Variants in FRY observed in about 807,000 individuals in gnomAD.
FRY encodes the protein protein furry homolog.
Under a neutral mutation model 348.4 loss-of-function variants are expected in FRY, and 128 were observed. That is an observed-to-expected ratio of 0.37 (90% confidence interval 0.32 to 0.43). FRY has a LOEUF of 0.43. Ranked by LOEUF, FRY falls within the 20% of genes least tolerant of loss-of-function variation. FRY has a pLI of 1.00. For missense variants in FRY, 2,736 were observed against 3,695.2 expected (o/e 0.74, Z 6.73); for synonymous variants, 1,370 against 1,374.7 (o/e 1.00, Z 0.08).
chr13:32,192,679 C>T (rs1161101403), intron 28 of FRY, among the ~76,000 whole-genome samples: 6 of 151,540 alleles, frequency 4.0e-5, no homozygotes, highest in Non-Finnish European at 7.4e-5. Flanking sequence ...CTTGCCTTTT[C>T]CACCTGGTTT....
intron 28 of FRY, among the ~76,000 whole-genome samples, chr13:32,192,566 G>C (rs1319620573): frequency 6.6e-6 from 1 of 152,024 alleles, no homozygotes; most frequent in Admixed American, 6.6e-5. Flanking sequence ...TACTTAAAGC[G>C]AGTTGGGGGA....
rs902061213 is a variant in FRY, at chr13:32,193,761, A to G, written c.3592-382A>G. ...CCACCACGCCCAGCTAATTTTTTCT[A>G]TTTTTTAGTAGAGACAGGGTTTCAC... On this transcript the variant is annotated intron_variant, in intron 28 of 60. Transcript: ENST00000542859. Among the ~76,000 whole-genome samples, 9 of 151,542 alleles carry G rather than the reference A, an allele frequency of 5.9e-5. No homozygotes were observed. The East Asian group carries it at 1.4e-3, about 23-fold the overall frequency.
intron 1 of FRY, among the ~76,000 whole-genome samples, chr13:32,051,439 A>G (rs1593561269): frequency 6.6e-6 from 1 of 152,136 alleles, no homozygotes; most frequent in African/African-American, 2.4e-5. Flanking sequence ...CCCTACAGAC[A>G]TTTGCCAGTT....
At chr13:32,246,889 G>T (rs1214775573) in intron 47 of FRY, among the ~76,000 whole-genome samples, 4 of 152,198 alleles carry the variant, frequency 2.6e-5, no homozygotes, top group African/African-American at 9.7e-5. Flanking sequence ...AGAGATCAAG[G>T]TACCCAGGAA....
intron 43 of FRY, among the ~76,000 whole-genome samples, chr13:32,236,406 A>G (rs1395285926): frequency 2.0e-5 from 3 of 152,194 alleles, no homozygotes; most frequent in Admixed American, 6.5e-5. Context: ...GAAGATAGAT[A>G]CTAAGTGTTA....
At chr13:32,156,798 T>C (rs1276458387) in intron 15 of FRY, among the ~76,000 whole-genome samples, 1 of 152,126 alleles carries the variant, frequency 6.6e-6, no homozygotes, top group Non-Finnish European at 1.5e-5. Context: ...AATATGTTTT[T>C]CTTCATTTTT....
Position 32,155,550 on chromosome 13 carries a change from T to C in FRY, c.1539T>C (p.Asp513=), listed in dbSNP as rs200269312. 663 of 1,613,180 alleles carry C rather than the reference T, an allele frequency of 4.1e-4. No homozygotes were observed. The highest frequency in any genetic ancestry group is 5.4e-4 in the Non-Finnish European group (632 of 1,179,270). The change falls in exon 15 of 61, where the codon GAT becomes GAC. Residue 513 remains aspartate, a synonymous_variant. Coordinates refer to ENST00000542859, the MANE Select transcript of FRY (RefSeq NM_023037.3). Reference sequence around the variant, plus strand: ...TAGCTGATAGCTTGCAGCAGAAAGATGGGGAACCTCCCATGCCGGTTACAG... The same window carrying C: ...TAGCTGATAGCTTGCAGCAGAAAGACGGGGAACCTCCCATGCCGGTTACAG... ...LVIADSLQQK[D]GEPPMPVTGA... is the part of the protein sequence containing the mutation.
At position 32,031,999 on chromosome 13, in the gene FRY, CTCTTTCTT is replaced by C. The variant is rs11272632; in HGVS notation, c.70+152_70+159del. ...TTCTTTTTTTCTTTTCTTTTCTTTT[CTCTTTCTT>C]TCTTTCTTTCTTTCTTTTTCTTTCT... On this transcript the variant is annotated intron_variant, in intron 1 of 60. Coordinates refer to ENST00000542859, the MANE Select transcript of FRY (RefSeq NM_023037.3). 1.6e-4 allele frequency: 101 copies of C among 618,294 alleles called. No individual in the cohort carries two copies. In the East Asian group the frequency reaches 2.5e-3, roughly 15 times the overall value. The allele number at this position is 618,294 out of a possible 1,614,324, so 38.3% of individuals were successfully genotyped here.
Position 32,173,365 on chromosome 13 carries a change from A to C in FRY, c.2152-2A>C. 6.2e-7 allele frequency: 1 copy of C among 1,608,830 alleles called. No individual in the cohort carries two copies. The highest frequency in any genetic ancestry group is 8.5e-7 in the Non-Finnish European group (1 of 1,176,782). ...CAGAATGTTGTTCTTATTGCATAAC[A>C]GCTCATCGCAAATGGCTCCAGTCAC... On this transcript the variant is annotated splice_acceptor_variant, in intron 18 of 60. Transcript: ENST00000542859. LOFTEE classifies it high-confidence loss of function.
At chr13:32,261,505 TAA>T (rs1236610441) in intron 51 of FRY, 109 bp from the exon 52 acceptor site, 1 of 953,290 alleles carries the variant, frequency 1.0e-6, no homozygotes, top group Admixed American at 1.7e-5. Flanking sequence ...GATGAGGGCC[TAA>T]GAGTTAATAA....
At chr13:32,263,779 C>T (rs545473650) in intron 53 of FRY, among the ~76,000 whole-genome samples, 3 of 152,248 alleles carry the variant, frequency 2.0e-5, no homozygotes, top group South Asian at 2.1e-4. Context: ...GAGGCCGAGG[C>T]GGGTGGATCA....
intron 17 of FRY, among the ~76,000 whole-genome samples, chr13:32,163,056 T>C (rs932126376): frequency 6.6e-6 from 1 of 152,142 alleles, no homozygotes; most frequent in Non-Finnish European, 1.5e-5. Flanking sequence ...CATGCTAATA[T>C]TGAGTCACCC....
chr13:32,090,164 C>T (rs1428576786), intron 2 of FRY, among the ~76,000 whole-genome samples: 1 of 151,532 alleles, frequency 6.6e-6, no homozygotes, highest in Admixed American at 6.6e-5. Context: ...CTGGCTAACA[C>T]GGTGGAACCC....
chr13:32,209,180 C>A, intron 32 of FRY, 71 bp downstream of exon 32: 1 of 1,544,724 alleles, frequency 6.5e-7, no homozygotes, highest in Non-Finnish European at 8.9e-7. Context: ...GTTAGTCAAA[C>A]CCCGGGGAAA....
intron 1 of FRY, among the ~76,000 whole-genome samples, chr13:32,034,874 A>G (rs1255537894): frequency 2.6e-5 from 4 of 152,200 alleles, no homozygotes; most frequent in Non-Finnish European, 4.4e-5. Context: ...CTGTACACCC[A>G]TCAGTCTCCT....
chr13:32,202,323 A>C, intron 30 of FRY, 33 bp from the exon 31 acceptor site: 1 of 1,548,308 alleles, frequency 6.5e-7, no homozygotes, highest in Non-Finnish European at 8.9e-7. Flanking sequence ...AATGCTTTTC[A>C]TACTACTTTT....
chr13:32,212,402 T>G lies in FRY; in HGVS notation c.4682+20T>G. On this transcript the variant is annotated intron_variant, in intron 35 of 60. Coordinates refer to ENST00000542859, the MANE Select transcript of FRY (RefSeq NM_023037.3). ...TGAAAGGTTGGTACACAAATTTGAC[T>G]TAATATCCAGTGTAATGTTCTGCAA... 1 of 1,394,098 alleles carries G rather than the reference T, an allele frequency of 7.2e-7. No individual in the cohort carries two copies. Among genetic ancestry groups the G allele is most frequent in the African/African-American group, 1.4e-5 (1 of 70,284 alleles). The allele number at this position is 1,394,098 out of a possible 1,614,324, so 86.4% of individuals were successfully genotyped here. A position where few individuals can be genotyped will look rare whatever the true frequency, so the allele number is the denominator to read the frequency against.
At chr13:32,274,666 T>C (rs1448395879) in intron 55 of FRY, among the ~76,000 whole-genome samples, 176 bp from the exon 56 acceptor site, 1 of 121,600 alleles carries the variant, frequency 8.2e-6, no homozygotes, top group Admixed American at 1.1e-4. Context: ...ATCGCGCCAC[T>C]GCACTCCAGC....
chr13:32,294,305 T>C (rs955140218), intron 59 of FRY, 63 bp from the exon 60 acceptor site: 9 of 1,163,890 alleles, frequency 7.7e-6, no homozygotes, highest in Admixed American at 1.8e-5. Flanking sequence ...TTTTTTTTCC[T>C]TTTGGGATGT....
Sources: gnomAD v4.1 joint callset for allele counts (sites outside exome capture counted in the v4.1 genomes callset) on GRCh38, gnomAD v4.1.1 for gene constraint, MANE v1.5 for transcripts, NCBI Gene and HGNC (gene_info 2026-07-23, HGNC 2026-07-21) for gene names.